Variants in SIPA1L2 observed in about 807,000 individuals in gnomAD.
The protein encoded by SIPA1L2 is signal induced proliferation associated 1 like 2.
SIPA1L2 carries 56 observed loss-of-function variants against 163.9 expected under a neutral mutation model. The observed-to-expected ratio is 0.34, with a 90% CI of 0.28 to 0.43. The LOEUF (loss-of-function observed/expected upper bound fraction) is 0.43, where lower values mean the gene tolerates loss of function less well. SIPA1L2 is among the 20% of genes least tolerant of loss of function. The pLI is 1.00. For synonymous variants in SIPA1L2, 877 were observed against 865.7 expected, an observed-to-expected ratio of 1.01 and a Z score of -0.23; for missense variants, 1,974 against 2,193.5, an observed-to-expected ratio of 0.90 and a Z score of 2.00.
chr1:232,600,962 C>G (rs1325608958), intron 1 of SIPA1L2, among the ~76,000 whole-genome samples: 1 of 152,232 alleles, frequency 6.6e-6, no homozygotes, highest in Non-Finnish European at 1.5e-5. Context: ...AATACTTTCA[C>G]TCTTCCCAAA....
intron 2 of SIPA1L2, among the ~76,000 whole-genome samples, chr1:232,518,242 T>C (rs1349555028): frequency 6.6e-6 from 1 of 152,224 alleles, no homozygotes; most frequent in African/African-American, 2.4e-5. Flanking sequence ...GAACATTAGC[T>C]TTAGTGGACA....
chr1:232,544,316 CT>C (rs1657888467), intron 2 of SIPA1L2, among the ~76,000 whole-genome samples: 1 of 152,288 alleles, frequency 6.6e-6, no homozygotes, highest in African/African-American at 2.4e-5. Flanking sequence ...AATCCCAGAA[CT>C]TTGGGAGACC....
intron 20 of SIPA1L2, 80 bp from the exon 21 acceptor site, chr1:232,403,651 C>A: frequency 1.3e-6 from 2 of 1,496,796 alleles, no homozygotes; most frequent in Non-Finnish European, 1.8e-6. Flanking sequence ...AATGCAATAG[C>A]TAAATAAAAT....
At chr1:232,607,380 TATC>T (rs1488310490) in intron 1 of SIPA1L2, among the ~76,000 whole-genome samples, 1 of 152,220 alleles carries the variant, frequency 6.6e-6, no homozygotes, top group African/African-American at 2.4e-5. Context: ...TCATATGCAG[TATC>T]ATAATTGAAT....
At position 232,439,278 on chromosome 1, in the gene SIPA1L2, C is replaced by CCGT. The variant is rs1662748662; in HGVS notation, c.3860_3861insACG (p.Arg1287dup). ...GCTCGGCCCGGCTGTGGATCAGGGA[C>CCGT]CTGCTGCCTGCCAGGTGCACAGGGC... On this transcript the variant is annotated inframe_insertion, in exon 15 of 23. Coordinates refer to ENST00000674635, the MANE Select transcript of SIPA1L2 (RefSeq NM_020808.5). The CCGT allele has an allele frequency of 6.2e-7, 1 of 1,614,004 alleles. No homozygotes were observed.
At position 232,465,221 on chromosome 1, in the gene SIPA1L2, C is replaced by A; in HGVS notation, c.2439G>T (p.Ala813=). 2 of 1,614,154 alleles carry A rather than the reference C, an allele frequency of 1.2e-6. No individual in the cohort carries two copies. Among genetic ancestry groups the A allele is most frequent in the South Asian group, 2.2e-5 (2 of 91,066 alleles). Residue 813 remains alanine (A), a synonymous_variant, in exon 9 of 23, where the codon GCG becomes GCT. Transcript: ENST00000674635. This position sits in a 1 kb window ranked among gnomAD's most constrained non-coding sequence, Gnocchi z 4.1. The part of the protein sequence containing the change: ...RTRQEYLKDL[A]ENFVTTATVD... ...CGGTGGCGGTTGTGACAAAGTTCTC[C>A]GCCAGATCTTTCAAGTACTCCTGCC...
intron 2 of SIPA1L2, among the ~76,000 whole-genome samples, chr1:232,548,641 A>G (rs1201681361): frequency 6.6e-6 from 1 of 152,246 alleles, no homozygotes; most frequent in Non-Finnish European, 1.5e-5. Context: ...CTGAAGGCAG[A>G]TAACAAGCCC....
chr1:232,487,801 T>C (rs1337536502), intron 5 of SIPA1L2, among the ~76,000 whole-genome samples: 2 of 152,106 alleles, frequency 1.3e-5, no homozygotes, highest in Non-Finnish European at 2.9e-5. Context: ...ACACCCACAG[T>C]ATCTCCTACT....
chr1:232,461,312 C>A, intron 9 of SIPA1L2, 151 bp from the exon 10 acceptor site: 4 of 930,318 alleles, frequency 4.3e-6, no homozygotes, highest in Non-Finnish European at 6.5e-6. Flanking sequence ...TCAAACTGTC[C>A]AAGTGACAGG....
In SIPA1L2 at chr1:232,482,796, C is replaced by T. The variant is rs376938790; in HGVS notation, c.1981+996G>A. On this transcript the variant is annotated intron_variant, in intron 6 of 22. Coordinates refer to ENST00000674635, the MANE Select transcript of SIPA1L2 (RefSeq NM_020808.5). ...AAGGAGAATAGAAGGCAGGAAGACA[C>T]GGCATCAGGCCACCTCAGTTCCAAT... Among the ~76,000 whole-genome samples the T allele has an allele frequency of 2.6e-4, 40 of 152,298 alleles. No individual in the cohort carries two copies. The East Asian group carries it at 2.9e-3, about 11-fold the overall frequency.
intron 1 of SIPA1L2, among the ~76,000 whole-genome samples, chr1:232,610,961 T>C (rs1662206028): frequency 6.6e-6 from 1 of 152,196 alleles, no homozygotes; most frequent in South Asian, 2.1e-4. Flanking sequence ...TGGCTCTGTG[T>C]CTCCATCCAA....
chr1:232,461,259 C>G, intron 9 of SIPA1L2, 98 bp from the exon 10 acceptor site: 1 of 1,468,720 alleles, frequency 6.8e-7, no homozygotes. Context: ...CAGCCCTCTC[C>G]CTTGGGCCCT....
intron 7 of SIPA1L2, among the ~76,000 whole-genome samples, chr1:232,472,852 G>T (rs926926624): frequency 1.3e-5 from 2 of 152,214 alleles, no homozygotes; most frequent in Non-Finnish European, 2.9e-5. Flanking sequence ...TCCCTGACTT[G>T]TGATTTAGCA....
At chr1:232,534,834 G>C (rs116774174) in intron 2 of SIPA1L2, among the ~76,000 whole-genome samples, 1 of 152,122 alleles carries the variant, frequency 6.6e-6, no homozygotes. Context: ...CGTTAACACT[G>C]CTCCCCTGAC....
chr1:232,409,140 TTGAA>T (rs1300021769), intron 19 of SIPA1L2, among the ~76,000 whole-genome samples: 1 of 152,176 alleles, frequency 6.6e-6, no homozygotes, highest in Non-Finnish European at 1.5e-5. Flanking sequence ...GATCTTTTGG[TTGAA>T]TATCATTTAC....
rs1667137430 is a variant in SIPA1L2 at position 232,514,622 on chromosome 1, T to C, written c.718A>G (p.Ile240Val). The C allele has an allele frequency of 1.9e-6, 3 of 1,614,152 alleles. No homozygotes were observed. Among genetic ancestry groups the C allele is most frequent in the East Asian group, 4.5e-5 (2 of 44,876 alleles). ...GCTGCTGCATGAAGGCTCGGAGAGA[T>C]TGCAGGGTCACAGCGGAAAAATTCA... is the stretch of plus-strand genomic sequence containing the variant. ...FPEFFRCDPA[I>V]SPSLHAAAQI... The change falls in exon 3 of 23, where the codon ATC becomes GTC. Residue 240 changes from isoleucine to valine, a missense_variant. Physicochemically the swap from Ile to Val is conservative, Grantham distance 29. This residue lies in a region of SIPA1L2 where 607 missense variants were observed against 624.0 expected (regional missense o/e 0.97). Transcript: ENST00000674635.
At chr1:232,623,535 G>A (rs1204635698) in intron 1 of SIPA1L2, among the ~76,000 whole-genome samples, 1 of 152,168 alleles carries the variant, frequency 6.6e-6, no homozygotes, top group South Asian at 2.1e-4. Context: ...AGCAACCCAG[G>A]AGGCAGAGCT....
At chr1:232,602,270 G>GA (rs1380614525) in intron 1 of SIPA1L2, among the ~76,000 whole-genome samples, 3 of 152,166 alleles carry the variant, frequency 2.0e-5, no homozygotes, top group African/African-American at 7.2e-5. Flanking sequence ...GGGAGGCTCT[G>GA]AGGACCTACA....
At chr1:232,439,087 C>G in intron 15 of SIPA1L2, 21 bp downstream of exon 15, 13 of 1,578,362 alleles carry the variant, frequency 8.2e-6, no homozygotes, top group Non-Finnish European at 1.1e-5. Context: ...AGGTACTACT[C>G]TGCAGTGCTG....
Sources: gnomAD v4.1 joint callset for allele counts (sites outside exome capture counted in the v4.1 genomes callset) on GRCh38, gnomAD v4.1.1 for gene constraint, gnomAD v4.1.1 regional missense constraint, Gnocchi (gnomAD v3.1) non-coding constraint, MANE v1.5 for transcripts, NCBI Gene and HGNC (gene_info 2026-07-23, HGNC 2026-07-21) for gene names.